Variants in PRIM1 observed in about 807,000 individuals in gnomAD.
PRIM1 encodes the protein DNA primase small subunit.
In PRIM1, 38 loss-of-function variants were observed where a neutral mutation model predicts 60.2. That is an observed-to-expected ratio of 0.63 (90% confidence interval 0.49 to 0.83). The LOEUF (loss-of-function observed/expected upper bound fraction) is 0.83. Among genes scored for constraint, PRIM1 ranks in the 40% least tolerant of loss-of-function variants. PRIM1 has a pLI of 0.00. For missense variants in PRIM1, 388 were observed against 506.2 expected (o/e 0.77, Z 2.24); for synonymous variants, 158 against 160.2 (o/e 0.99, Z 0.10).
intron 5 of PRIM1, among the ~76,000 whole-genome samples, chr12:56,744,413 A>G (rs1195017320): frequency 6.6e-6 from 1 of 152,002 alleles, no homozygotes; most frequent in Non-Finnish European, 1.5e-5. Context: ...GAGTCGCTTG[A>G]ACTCGGGAGG....
chr12:56,752,231 T>C lies in PRIM1; in HGVS notation c.68A>G (p.Tyr23Cys). 6.2e-7 allele frequency: 1 copy of C among 1,602,864 alleles called. No homozygotes were observed. The highest frequency in any genetic ancestry group is 1.1e-5 in the South Asian group (1 of 88,988). ...GTTGAGCCAGCGATAGTACTGAGAGTAGGGAAAGAGCCTCCGGTAATAAAG... is the reference window on the plus strand; with the variant it reads ...GTTGAGCCAGCGATAGTACTGAGAGCAGGGAAAGAGCCTCCGGTAATAAAG... ...LKLYYRRLFPYSQYYRWLNYG... is the reference protein window; with the variant it reads ...LKLYYRRLFPCSQYYRWLNYG... Residue 23 changes from tyrosine (Y) to cysteine (C), a missense_variant, in exon 1 of 13, where the codon TAC (tyrosine) becomes TGC (cysteine). Transcript: ENST00000338193.
At chr12:56,738,665 C>A in intron 10 of PRIM1, 140 bp from the exon 11 acceptor site, 1 of 801,668 alleles carries the variant, frequency 1.2e-6, no homozygotes, top group South Asian at 1.8e-5. Context: ...GATTCTTCTG[C>A]CTCAGCCTCC....
At chr12:56,747,735 ACT>A (rs1291196885) in intron 2 of PRIM1, among the ~76,000 whole-genome samples, 1 of 151,922 alleles carries the variant, frequency 6.6e-6, no homozygotes, top group African/African-American at 2.4e-5. Context: ...ACAGAGCGAG[ACT>A]CTGTCTCAAA....
At chr12:56,745,603 T>C (rs750028151) in intron 5 of PRIM1, among the ~76,000 whole-genome samples, 1 of 152,152 alleles carries the variant, frequency 6.6e-6, no homozygotes, top group Non-Finnish European at 1.5e-5. Context: ...CTTTAAATGA[T>C]CTATTGGTAA....
At position 56,751,890 on chromosome 12, in the gene PRIM1, A is replaced by G. The variant is rs548941258; in HGVS notation, c.103+306T>C. The G allele has an allele frequency of 1.1e-4, 21 of 185,388 alleles. No homozygotes were observed. The South Asian group carries it at 2.7e-3, about 24-fold the overall frequency. 11.5% of individuals were successfully genotyped at this position (185,388 alleles called of 1,614,324 possible). A position where few individuals can be genotyped will look rare whatever the true frequency, so the allele number is the denominator to read the frequency against. The stretch of plus-strand genomic sequence containing the variant: ...AGCAGCTTCACGCTACGCCCCAGTA[A>G]CCCCCTGGGCACCGCTGCAGGTAAA... On this transcript the variant is annotated intron_variant, in intron 1 of 12. Transcript: ENST00000338193.
chr12:56,735,753 C>T (rs1323145647), intron 11 of PRIM1, among the ~76,000 whole-genome samples: 2 of 150,260 alleles, frequency 1.3e-5, no homozygotes, highest in Non-Finnish European at 3.0e-5. Flanking sequence ...TGGGTTCAAG[C>T]GATTCTTCTG....
In PRIM1 at chr12:56,751,114, T is replaced by C; in HGVS notation, c.185A>G (p.Asn62Ser). ...DIYIRYQSFN[N>S]QSDLEKEMQK... ...CATCTCCTTTTCCAGATCACTCTGGTTGTTGAAGGATTGGTAGCGAATGTA... is the reference window on the plus strand; with the variant it reads ...CATCTCCTTTTCCAGATCACTCTGGCTGTTGAAGGATTGGTAGCGAATGTA... Residue 62 changes from asparagine (N) to serine (S), a missense_variant, in exon 2 of 13, where the codon AAC becomes AGC. This residue lies in a region of PRIM1 where 156 missense variants were observed against 175.8 expected (regional missense o/e 0.89). Transcript: ENST00000338193. The C allele has an allele frequency of 1.3e-6, 2 of 1,592,962 alleles. No homozygotes were observed. Among genetic ancestry groups the C allele is most frequent in the South Asian group, 1.1e-5 (1 of 88,246 alleles).
At chr12:56,739,444 A>G (rs1371008022) in intron 9 of PRIM1, 81 bp from the exon 10 acceptor site, 1 of 956,316 alleles carries the variant, frequency 1.0e-6, no homozygotes, top group African/African-American at 1.6e-5. Flanking sequence ...TTTTTGGTTA[A>G]AATTTTTATT....
At chr12:56,738,839 C>T (rs1434197591) in intron 10 of PRIM1, among the ~76,000 whole-genome samples, 2 of 152,102 alleles carry the variant, frequency 1.3e-5, no homozygotes, top group South Asian at 2.1e-4. Context: ...CATGAGCCAC[C>T]GCGCCTCACC....
chr12:56,745,241 G>T (rs988197284), intron 5 of PRIM1, among the ~76,000 whole-genome samples: 7 of 151,896 alleles, frequency 4.6e-5, no homozygotes, highest in African/African-American at 1.5e-4. Context: ...GTGAGACCTT[G>T]TTTCTGCAAA....
chr12:56,745,278 G>GC (rs1953898397), intron 5 of PRIM1, among the ~76,000 whole-genome samples: 1 of 151,884 alleles, frequency 6.6e-6, no homozygotes, highest in Admixed American at 6.6e-5. Context: ...GGGCGTGGTG[G>GC]CGCATGCCTT....
rs756672193 is a variant in PRIM1 at position 56,741,815 on chromosome 12, T to C, written c.771A>G (p.Gln257=). 2 of 1,614,004 alleles carry C rather than the reference T, an allele frequency of 1.2e-6. No homozygotes were observed. The highest frequency in any genetic ancestry group is 8.5e-7 in the Non-Finnish European group (1 of 1,179,884). ...VPETIHDELQ[Q]SFQKSHNSLQ... The stretch of plus-strand genomic sequence containing the variant: ...GTGAATTGTGAGACTTTTGGAAGCT[T>C]TGTTGAAGTTCATCATGAATTGGTG... Residue 257 remains glutamine, a synonymous_variant, in exon 8 of 13, where the codon CAA becomes CAG. Coordinates refer to ENST00000338193, the MANE Select transcript of PRIM1 (RefSeq NM_000946.3).
chr12:56,750,683 G>C (rs1428280727), intron 2 of PRIM1, among the ~76,000 whole-genome samples: 1 of 150,638 alleles, frequency 6.6e-6, no homozygotes, highest in Non-Finnish European at 1.5e-5. Context: ...TCCACCTCCC[G>C]GGTTCAAGCG....
chr12:56,734,919 C>G (rs991554826), intron 11 of PRIM1, among the ~76,000 whole-genome samples: 1 of 150,242 alleles, frequency 6.7e-6, no homozygotes, highest in African/African-American at 2.5e-5. Context: ...TCAAGCAATT[C>G]TCCTACCTCA....
chr12:56,742,002 C>T, intron 7 of PRIM1, 165 bp from the exon 8 acceptor site: 1 of 694,110 alleles, frequency 1.4e-6, no homozygotes, highest in Admixed American at 2.4e-5. Context: ...CCTGTACTCC[C>T]AGCACTTTGG....
chr12:56,742,862 A>T, intron 7 of PRIM1, 125 bp downstream of exon 7: 2 of 684,834 alleles, frequency 2.9e-6, no homozygotes, highest in South Asian at 4.2e-5. Flanking sequence ...AATACAGGAG[A>T]TATTTTGTGT....
chr12:56,733,595 CT>C lies in PRIM1; in HGVS notation c.1243+551del, dbSNP rs879265416. Among the ~76,000 whole-genome samples the C allele has an allele frequency of 5.2e-3, 692 of 134,272 alleles. 3 individuals carry two copies. The highest frequency in any genetic ancestry group is 0.015 in the East Asian group (67 of 4,452). 88.1% of individuals were successfully genotyped at this position (134,272 alleles called of 152,430 possible). A position where few individuals can be genotyped will look rare whatever the true frequency, so the allele number is the denominator to read the frequency against. ...TTTTTTTTGTATTAAGTTAGTACTT[CT>C]TTTTTTTTTTTGAGATGGAGTCTTG... On this transcript the variant is annotated intron_variant, in intron 12 of 12. Coordinates refer to ENST00000338193, the MANE Select transcript of PRIM1 (RefSeq NM_000946.3).
intron 2 of PRIM1, among the ~76,000 whole-genome samples, chr12:56,750,112 T>C (rs1373002095): frequency 1.3e-5 from 2 of 152,062 alleles, no homozygotes; most frequent in African/African-American, 4.8e-5. Context: ...GTGGCAGGAA[T>C]GAATGAGGGG....
chr12:56,738,424 ATTACC>A lies in PRIM1; in HGVS notation c.1144+5_1144+9del. On this transcript the variant is annotated splice_donor_5th_base_variant and intron_variant, in intron 11 of 12. Coordinates refer to ENST00000338193, the MANE Select transcript of PRIM1 (RefSeq NM_000946.3). The stretch of plus-strand genomic sequence containing the variant: ...TGTATTTAAAGTGAAGCTTCAAAAT[ATTACC>A]TTACCTCTGGTTCTATGTTTGACAT... 6.4e-7 allele frequency: 1 copy of A among 1,567,590 alleles called. No individual in the cohort carries two copies. Among genetic ancestry groups the A allele is most frequent in the Non-Finnish European group, 8.7e-7 (1 of 1,154,910 alleles).
Sources: gnomAD v4.1 joint callset for allele counts (sites outside exome capture counted in the v4.1 genomes callset) on GRCh38, gnomAD v4.1.1 for gene constraint, gnomAD v4.1.1 regional missense constraint, MANE v1.5 for transcripts, NCBI Gene and HGNC (gene_info 2026-07-23, HGNC 2026-07-21) for gene names.